The following TAP2 variants were observed in gnomAD, a reference collection of about 807,000 sequenced individuals.
The protein encoded by TAP2 is transporter 2, ATP binding cassette subfamily B member, also known as antigen peptide transporter 2.
In TAP2, 49 loss-of-function variants were observed where a neutral mutation model predicts 74.7. That is an observed-to-expected ratio of 0.66 (90% CI 0.52 to 0.83). The LOEUF is 0.83. Ranked by LOEUF, TAP2 falls within the 40% of genes least tolerant of loss-of-function variation. The probability of loss-of-function intolerance (pLI) is 0.00; values close to 1 mark genes in which losing one functional copy is unlikely to be tolerated. For synonymous variants in TAP2, 306 were observed against 368.4 expected, an observed-to-expected ratio of 0.83 and a Z score of 1.94; for missense variants, 739 against 859.0, an observed-to-expected ratio of 0.86 and a Z score of 1.75.
chr6:32,838,038 G>A lies in TAP2; in HGVS notation c.196C>T (p.Leu66=). The change falls in exon 2 of 12, where the codon CTG becomes TTG. Residue 66 remains leucine (L), a synonymous_variant. Coordinates refer to ENST00000374897, the MANE Select transcript of TAP2 (RefSeq NM_001290043.2). The part of the protein sequence containing the change: ...RGLLGFVGTL[L]LPLCLATPLT... ...GGGGTGGCCAGACAGAGCGGGAGCA[G>A]CAGTGTCCCCACAAATCCCAGCAGC... 6.2e-7 allele frequency: 1 copy of A among 1,612,400 alleles called. No homozygotes were observed. The highest frequency in any genetic ancestry group is 8.5e-7 in the Non-Finnish European group (1 of 1,179,814).
chr6:32,835,956 AG>A lies in TAP2; in HGVS notation c.609-184del, dbSNP rs1191232769. 1.3e-5 allele frequency among the ~76,000 whole-genome samples: 2 copies of A among 152,174 alleles called. No homozygotes were observed. Among genetic ancestry groups the A allele is most frequent in the African/African-American group, 2.4e-5 (1 of 41,444 alleles). On this transcript the variant is annotated intron_variant, in intron 3 of 11. Transcript: ENST00000374897. This position sits in a 1 kb window ranked among gnomAD's most constrained non-coding sequence, Gnocchi z 4.0. ...GAGAGAAGAGGTAAGGAATACACAGAGGAAGAAGAAAGAGGAGACATGGTGA... is the reference window on the plus strand; with the variant it reads ...GAGAGAAGAGGTAAGGAATACACAGAGAAGAAGAAAGAGGAGACATGGTGA...
At position 32,828,883 on chromosome 6, in the gene TAP2, C is replaced by T. The variant is rs758979131; in HGVS notation, c.*23G>A. 49 of 1,527,152 alleles carry T rather than the reference C, an allele frequency of 3.2e-5. 1 individual carries two copies. Among genetic ancestry groups the T allele is most frequent in the South Asian group, 2.5e-4 (21 of 82,580 alleles). 94.6% of individuals were successfully genotyped at this position (1,527,152 alleles called of 1,614,324 possible). A position where few individuals can be genotyped will look rare whatever the true frequency, so the allele number is the denominator to read the frequency against. Reference sequence around the variant, plus strand: ...GTCCATCAGCCGCTGCTGCACCAGGCGGGAATAGAGGTCCTGTCCCTCCTA... The same window carrying T: ...GTCCATCAGCCGCTGCTGCACCAGGTGGGAATAGAGGTCCTGTCCCTCCTA... On this transcript the variant is annotated 3_prime_UTR_variant, in exon 12 of 12. Transcript: ENST00000374897.
rs1240568935 is a variant in TAP2, at chr6:32,838,118, C to T, written c.116G>A (p.Trp39Ter). ...TLLPQGLPGL[W>*]LEGTLRLGGL... ...TCCCAGCCGCAGGGTCCCCTCCAGC[C>T]ATAGTCCTGGCAGCCCTTGAGGAAG... Residue 39 changes from tryptophan (W) to a stop codon, truncating the protein, a stop_gained, in exon 2 of 12, where the codon TGG becomes TAG. Coordinates refer to ENST00000374897, the MANE Select transcript of TAP2 (RefSeq NM_001290043.2). LOFTEE classifies it high-confidence loss of function. 6.2e-7 allele frequency: 1 copy of T among 1,611,046 alleles called. No homozygotes were observed. Among genetic ancestry groups the T allele is most frequent in the East Asian group, 2.2e-5 (1 of 44,828 alleles).
chr6:32,830,562 A>G (rs1769000804), intron 8 of TAP2, 56 bp downstream of exon 8: 1 of 1,610,054 alleles, frequency 6.2e-7, no homozygotes, highest in Admixed American at 1.7e-5. Flanking sequence ...TGTGATGTCC[A>G]ATTATGCATT....
At position 32,828,300 on chromosome 6, in the gene TAP2, G is replaced by C. The variant is rs1461777165; in HGVS notation, c.*606C>G. ...ATGTCGCTATTAATACTGTTAATCA[G>C]GGAACTGTTCTCTGTCCCTCCAGAC... On this transcript the variant is annotated 3_prime_UTR_variant, in exon 12 of 12. Coordinates refer to ENST00000374897, the MANE Select transcript of TAP2 (RefSeq NM_001290043.2). The C allele has an allele frequency of 1.0e-6, 1 of 985,232 alleles. No individual in the cohort carries two copies. Among genetic ancestry groups the C allele is most frequent in the African/African-American group, 1.7e-5 (1 of 57,200 alleles). 61.0% of individuals were successfully genotyped at this position (985,232 alleles called of 1,614,324 possible).
rs754188775 is a variant in TAP2, at chr6:32,828,869, G to A, written c.*37C>T. ...TCCCTGGGGCCTCAGTCCATCAGCC[G>A]CTGCTGCACCAGGCGGGAATAGAGG... On this transcript the variant is annotated 3_prime_UTR_variant, in exon 12 of 12. Coordinates refer to ENST00000374897, the MANE Select transcript of TAP2 (RefSeq NM_001290043.2). The A allele has an allele frequency of 1.5e-5, 23 of 1,521,550 alleles. No individual in the cohort carries two copies. Among genetic ancestry groups the A allele is most frequent in the East Asian group, 1.0e-4 (4 of 40,168 alleles). The allele number at this position is 1,521,550 out of a possible 1,614,324, so 94.3% of individuals were successfully genotyped here.
chr6:32,824,005 T>G (rs982928774), downstream of TAP2, among the ~76,000 whole-genome samples: 1 of 152,096 alleles, frequency 6.6e-6, no homozygotes, highest in African/African-American at 2.4e-5. Flanking sequence ...TAGTCTTAAA[T>G]GTGTAAATAC....
downstream of TAP2, among the ~76,000 whole-genome samples, chr6:32,824,597 C>A (rs777809870): frequency 1.3e-5 from 2 of 152,058 alleles, no homozygotes; most frequent in Non-Finnish European, 2.9e-5. Flanking sequence ...TACTTTGCTT[C>A]TTTTGTTTTC....
At position 32,837,810 on chromosome 6, in the gene TAP2, G is replaced by A. The variant is rs372760767; in HGVS notation, c.424C>T (p.Leu142=). ...VNNKVLMWRL[L]KLSRPDLPLL... ...GGCAGGTCCGGCCTGGAGAGCTTCAGCAGCCTCCACATCAAGACTTTGTTG... is the reference window on the plus strand; with the variant it reads ...GGCAGGTCCGGCCTGGAGAGCTTCAACAGCCTCCACATCAAGACTTTGTTG... Residue 142 remains leucine (L), a synonymous_variant, in exon 2 of 12, where the codon CTG becomes TTG. Transcript: ENST00000374897. 6.2e-7 allele frequency: 1 copy of A among 1,614,036 alleles called. No homozygotes were observed. Among genetic ancestry groups the A allele is most frequent in the South Asian group, 1.1e-5 (1 of 91,080 alleles).
At chr6:32,829,077 T>C (rs1320485628) in intron 11 of TAP2, 43 bp from the exon 12 acceptor site, 3 of 1,527,228 alleles carry the variant, frequency 2.0e-6, no homozygotes, top group South Asian at 1.2e-5. Context: ...AGGAATGAGA[T>C]GGACACCACA....
downstream of TAP2, among the ~76,000 whole-genome samples, chr6:32,822,917 C>CTTTTTTTTTTTTTTTTTTTTTTTTTT (rs3041453): frequency 9.1e-6 from 1 of 110,000 alleles, no homozygotes; most frequent in African/African-American, 3.6e-5. Flanking sequence ...TGTGTTCATA[C>CTTTTTTTTTTTTTTTTTTTTTTTTTT]TTTTTTTTTT....
chr6:32,825,980 TTAG>T lies in TAP2; in HGVS notation c.*2923_*2925del, dbSNP rs202058968. On this transcript the variant is annotated 3_prime_UTR_variant, in exon 12 of 12. Coordinates refer to ENST00000374897, the MANE Select transcript of TAP2 (RefSeq NM_001290043.2). The stretch of plus-strand genomic sequence containing the variant: ...GCACATAGTAAGCACCAGTGAATGC[TTAG>T]TAGTAGTAGTAGTCTAATTCCTAAG... 20 of 981,310 alleles carry T rather than the reference TTAG, an allele frequency of 2.0e-5. No homozygotes were observed. Among genetic ancestry groups the T allele is most frequent in the South Asian group, 1.4e-4 (3 of 21,250 alleles). The allele number at this position is 981,310 out of a possible 1,614,324, so 60.8% of individuals were successfully genotyped here. A position where few individuals can be genotyped will look rare whatever the true frequency, so the allele number is the denominator to read the frequency against.
chr6:32,837,696 G>T lies in TAP2; in HGVS notation c.493+45C>A, dbSNP rs11969496. On this transcript the variant is annotated intron_variant, in intron 2 of 11. Transcript: ENST00000374897. ...TAACACAAGAATGTGCTGGTGCCCA[G>T]GCCCTTTTACCACCTCCAACTCACA... The T allele has an allele frequency of 1.3e-3, 2,156 of 1,614,086 alleles. 24 individuals carry two copies. In the African/African-American group the frequency reaches 0.024, roughly 18 times the overall value.
chr6:32,828,696 A>ACCCCCCC lies in TAP2; in HGVS notation c.*209_*210insGGGGGGG. 3.6e-6 allele frequency: 2 copies of ACCCCCCC among 554,146 alleles called. No homozygotes were observed. Among genetic ancestry groups the ACCCCCCC allele is most frequent in the South Asian group, 6.9e-5 (1 of 14,482 alleles). The allele number at this position is 554,146 out of a possible 1,614,324, so 34.3% of individuals were successfully genotyped here. A position where few individuals can be genotyped will look rare whatever the true frequency, so the allele number is the denominator to read the frequency against. ...GACAGCCCCCACCCCACCCCACCCC[A>ACCCCCCC]CCTCTCTACCCCACCAAAAGCACAC... On this transcript the variant is annotated 3_prime_UTR_variant, in exon 12 of 12. Transcript: ENST00000374897.
rs767544901 is a variant in TAP2 at position 32,825,491 on chromosome 6, C to T, written c.*3415G>A. ...AGTGAACTTAGACAGCTGCTGTTTG[C>T]GAAAATACTGAGCAAGAATAAAGAT... On this transcript the variant is annotated 3_prime_UTR_variant, in exon 12 of 12. Coordinates refer to ENST00000374897, the MANE Select transcript of TAP2 (RefSeq NM_001290043.2). The T allele has an allele frequency of 2.6e-5, 4 of 152,068 alleles. No homozygotes were observed. The highest frequency in any genetic ancestry group is 7.2e-5 in the African/African-American group (3 of 41,502). 9.4% of individuals were successfully genotyped at this position (152,068 alleles called of 1,614,324 possible). A position where few individuals can be genotyped will look rare whatever the true frequency, so the allele number is the denominator to read the frequency against.
chr6:32,831,898 G>A (rs748554155), intron 7 of TAP2, among the ~76,000 whole-genome samples: 1 of 152,176 alleles, frequency 6.6e-6, no homozygotes, highest in Non-Finnish European at 1.5e-5. Flanking sequence ...TACCACAAGT[G>A]GAAATTTGAC....
chr6:32,834,109 G>T (rs1769261053), intron 5 of TAP2, among the ~76,000 whole-genome samples: 1 of 152,136 alleles, frequency 6.6e-6, no homozygotes, highest in South Asian at 2.1e-4. Flanking sequence ...AAATAGAATT[G>T]CCATATGATC....
chr6:32,823,120 A>C (rs960477233), downstream of TAP2, among the ~76,000 whole-genome samples: 12 of 152,058 alleles, frequency 7.9e-5, no homozygotes, highest in Middle Eastern at 6.8e-3. Flanking sequence ...GGGTTTCACC[A>C]TGTTGGCCAG....
At chr6:32,831,774 AG>A (rs1769096375) in intron 7 of TAP2, among the ~76,000 whole-genome samples, 2 of 152,216 alleles carry the variant, frequency 1.3e-5, no homozygotes, top group Non-Finnish European at 2.9e-5. Context: ...ATGGATAGAT[AG>A]ATAGACAGAC....
Sources: allele counts gnomAD v4.1 joint callset (sites outside exome capture counted in the v4.1 genomes callset), GRCh38; gene constraint gnomAD v4.1.1; non-coding constraint Gnocchi (gnomAD v3.1); transcripts MANE v1.5; gene names NCBI Gene and HGNC (gene_info 2026-07-23, HGNC 2026-07-21).